SLC13A2: variants seen among roughly 807,000 people sequenced by gnomAD.
SLC13A2 encodes the protein Na(+)-coupled citrate transporter.
In SLC13A2, 40 loss-of-function variants were observed where a neutral mutation model predicts 58.5. That is an observed-to-expected ratio of 0.68 (90% CI 0.53 to 0.89). The LOEUF (loss-of-function observed/expected upper bound fraction) is 0.89. SLC13A2 is among the 40% of genes least tolerant of loss of function. The pLI, the probability that SLC13A2 is intolerant of heterozygous loss-of-function variation, is 0.00. For missense variants in SLC13A2, 694 were observed against 772.6 expected (o/e 0.90, Z 1.21); for synonymous variants, 341 against 331.6 (o/e 1.03, Z -0.31).
intron 1 of SLC13A2, 140 bp downstream of exon 1, chr17:28,473,954 C>T: frequency 2.9e-6 from 2 of 689,898 alleles, no homozygotes; most frequent in South Asian, 1.9e-5. Context: ...CCCCCTGCTC[C>T]TCCTGAGGAC....
rs1424578395 is a variant in SLC13A2, at chr17:28,496,809, G to A, written c.1608+222G>A. 1.3e-5 allele frequency among the ~76,000 whole-genome samples: 2 copies of A among 152,188 alleles called. No individual in the cohort carries two copies. The highest frequency in any genetic ancestry group is 2.9e-5 in the Non-Finnish European group (2 of 68,036). On this transcript the variant is annotated intron_variant, in intron 11 of 11. Coordinates refer to ENST00000314669, the MANE Select transcript of SLC13A2 (RefSeq NM_003984.4). This position sits in a 1 kb window ranked among gnomAD's most constrained non-coding sequence, Gnocchi z 4.2. ...ATGTGAGAGGGAGGGAAGTGGGTGG[G>A]GAACATGGGGAAGGCTCCAAGGTGC...
intron 1 of SLC13A2, among the ~76,000 whole-genome samples, chr17:28,485,368 T>C (rs1026203181): frequency 3.3e-5 from 5 of 152,172 alleles, no homozygotes; most frequent in Non-Finnish European, 7.4e-5. Context: ...GGCTGTCAGT[T>C]GAACTTGGCT....
intron 9 of SLC13A2, 132 bp from the exon 10 acceptor site, chr17:28,495,523 C>T (rs1379372895): frequency 1.2e-6 from 1 of 842,082 alleles, no homozygotes; most frequent in Non-Finnish European, 1.8e-6. Flanking sequence ...GTCCTATCAT[C>T]CCTTTAGAGC....
Position 28,497,406 on chromosome 17 carries a change from G to A in SLC13A2, c.*137G>A, listed in dbSNP as rs553725661. 3.7e-5 allele frequency: 34 copies of A among 922,240 alleles called. No individual in the cohort carries two copies. The highest frequency in any genetic ancestry group is 1.9e-4 in the Admixed American group (7 of 37,094). The allele number at this position is 922,240 out of a possible 1,614,324, so 57.1% of individuals were successfully genotyped here. Reference sequence around the variant, plus strand: ...GGCACGTGTGTACATAATCTCTTGCGTGTCTGTAAGGAAGGGGTGTATGCT... The same window carrying A: ...GGCACGTGTGTACATAATCTCTTGCATGTCTGTAAGGAAGGGGTGTATGCT... On this transcript the variant is annotated 3_prime_UTR_variant, in exon 12 of 12. Transcript: ENST00000314669.
At chr17:28,489,966 G>A (rs1281382464) in intron 2 of SLC13A2, among the ~76,000 whole-genome samples, 1 of 152,196 alleles carries the variant, frequency 6.6e-6, no homozygotes, top group East Asian at 1.9e-4. Context: ...GGGGAACCTG[G>A]TTGATATTAA....
chr17:28,491,699 T>A (rs1555603497), intron 5 of SLC13A2, 31 bp from the exon 6 acceptor site: 2 of 1,612,080 alleles, frequency 1.2e-6, no homozygotes, highest in South Asian at 2.2e-5. Flanking sequence ...CTCGGGGCAA[T>A]GTCACACGGC....
chr17:28,490,806 G>A lies in SLC13A2; in HGVS notation c.474G>A (p.Gln158=), dbSNP rs141526353. ...MVPIAHAVLD[Q]LHSSQASSNV... The stretch of plus-strand genomic sequence containing the variant: ...CCATCGCACATGCCGTCCTGGACCA[G>A]CTGCACAGCTCGCAAGCCAGCAGCA... The change falls in exon 4 of 12, where the codon CAG becomes CAA. Residue 158 remains glutamine (Q), a synonymous_variant. Transcript: ENST00000314669. 1 of 1,613,990 alleles carries A rather than the reference G, an allele frequency of 6.2e-7. No homozygotes were observed. Among genetic ancestry groups the A allele is most frequent in the African/African-American group, 1.3e-5 (1 of 75,030 alleles).
chr17:28,473,944 C>T (rs571881347), intron 1 of SLC13A2, 130 bp downstream of exon 1: 176 of 733,400 alleles, frequency 2.4e-4, no homozygotes, highest in Non-Finnish European at 3.8e-4. Flanking sequence ...GAGGCTATCG[C>T]CCCCTGCTCC....
In SLC13A2 at chr17:28,491,800, A is replaced by G. The variant is rs112638123; in HGVS notation, c.826A>G (p.Ile276Val). The change falls in exon 6 of 12, where the codon ATC (isoleucine) becomes GTC (valine). Residue 276 changes from isoleucine (I) to valine (V), a missense_variant. Transcript: ENST00000314669. ...CAGCTTCGCCTTCCCCACCATGGTC[A>G]TCTTGCTGCTGCTGGCCTGGTTGTG... ...WFSFAFPTMV[I>V]LLLLAWLWLQ... 1.9e-5 allele frequency: 30 copies of G among 1,614,148 alleles called. No individual in the cohort carries two copies. The African/African-American group carries it at 2.1e-4, about 11-fold the overall frequency.
intron 7 of SLC13A2, 56 bp from the exon 8 acceptor site, chr17:28,493,961 C>A: frequency 1.3e-6 from 2 of 1,551,892 alleles, no homozygotes; most frequent in Non-Finnish European, 1.8e-6. Context: ...CACCCTGTGG[C>A]CCTGAGCAAC....
At position 28,490,355 on chromosome 17, in the gene SLC13A2, C is replaced by T. The variant is rs569846341; in HGVS notation, c.232-99C>T. On this transcript the variant is annotated intron_variant, in intron 2 of 11. Transcript: ENST00000314669. ...CAGTTTCGAGAGCCCAGGGGAATGC[C>T]AGTCTGTGGGAATGTCAGTGACTGC... 4.3e-6 allele frequency: 7 copies of T among 1,613,410 alleles called. No homozygotes were observed. The African/African-American group carries it at 9.3e-5, about 22-fold the overall frequency.
At chr17:28,491,394 T>C (rs1555603351) in intron 4 of SLC13A2, 43 bp from the exon 5 acceptor site, 1 of 1,605,306 alleles carries the variant, frequency 6.2e-7, no homozygotes, top group Non-Finnish European at 8.5e-7. Context: ...TCCCCAGAGC[T>C]GGCCCTGTAC....
chr17:28,495,385 T>C (rs2151464349), intron 9 of SLC13A2, among the ~76,000 whole-genome samples: 1 of 152,266 alleles, frequency 6.6e-6, no homozygotes, highest in East Asian at 1.9e-4. Flanking sequence ...TCAAAGATTT[T>C]TGCTCCCACC....
Position 28,495,745 on chromosome 17 carries a change from G to A in SLC13A2, c.1399G>A (p.Val467Met), listed in dbSNP as rs782137601. ...PAIAIILSLL[V>M]ATFTECTSNV... ...CATTGCCATCATCCTCTCCCTCCTG[G>A]TGGCCACCTTCACCGAGTGCACTAG... The change falls in exon 10 of 12, where the codon GTG becomes ATG. Residue 467 changes from valine (V) to methionine (M), a missense_variant. Physicochemically the swap from Val to Met is conservative, Grantham distance 21. Transcript: ENST00000314669. The A allele has an allele frequency of 6.2e-7, 1 of 1,613,322 alleles. No homozygotes were observed. The highest frequency in any genetic ancestry group is 1.7e-5 in the Admixed American group (1 of 60,010).
intron 1 of SLC13A2, among the ~76,000 whole-genome samples, chr17:28,479,384 T>C (rs1555600653): frequency 6.6e-6 from 1 of 152,102 alleles, no homozygotes; most frequent in Non-Finnish European, 1.5e-5. Context: ...GAGGCCTCAC[T>C]AGATTGCTTA....
Position 28,495,731 on chromosome 17 carries a change from T to C in SLC13A2, c.1385T>C (p.Ile462Thr). The change falls in exon 10 of 12, where the codon ATC (isoleucine) becomes ACC (threonine). Residue 462 changes from isoleucine (I) to threonine (T), a missense_variant. By Grantham distance (89) the Ile-to-Thr change is moderately conservative. Transcript: ENST00000314669. The part of the protein sequence containing the change: ...QSVPAPAIAI[I>T]LSLLVATFTE... ...GTGCCAGCTCCAGCCATTGCCATCATCCTCTCCCTCCTGGTGGCCACCTTC... is the reference window on the plus strand; with the variant it reads ...GTGCCAGCTCCAGCCATTGCCATCACCCTCTCCCTCCTGGTGGCCACCTTC... 2 of 1,613,176 alleles carry C rather than the reference T, an allele frequency of 1.2e-6. No individual in the cohort carries two copies. Among genetic ancestry groups the C allele is most frequent in the Non-Finnish European group, 1.7e-6 (2 of 1,179,936 alleles).
intron 1 of SLC13A2, among the ~76,000 whole-genome samples, chr17:28,475,548 C>A (rs557442974): frequency 6.6e-6 from 1 of 152,366 alleles, no homozygotes; most frequent in African/African-American, 2.4e-5. Flanking sequence ...GTGCCTCTTT[C>A]TCTGCTCTCT....
intron 1 of SLC13A2, among the ~76,000 whole-genome samples, chr17:28,486,545 G>T (rs797042732): frequency 3.3e-5 from 5 of 152,274 alleles, no homozygotes; most frequent in African/African-American, 9.6e-5. Context: ...AAGGCTTCTG[G>T]ATGGAACTTC....
chr17:28,494,270 C>A lies in SLC13A2; in HGVS notation c.1187-121C>A, dbSNP rs1597892542. The A allele has an allele frequency of 6.4e-7, 1 of 1,563,616 alleles. No individual in the cohort carries two copies. On this transcript the variant is annotated intron_variant, in intron 8 of 11. Transcript: ENST00000314669. The surrounding 1 kb of genome is among the most constrained non-coding windows in gnomAD (Gnocchi z 4.0). Reference sequence around the variant, plus strand: ...GAGACAAAGTTGAGATGTTGCAGAACTGAGGGTCCCCTCCTGCACGCGTTA... The same window carrying A: ...GAGACAAAGTTGAGATGTTGCAGAAATGAGGGTCCCCTCCTGCACGCGTTA...
Sources: allele counts gnomAD v4.1 joint callset (sites outside exome capture counted in the v4.1 genomes callset), GRCh38; gene constraint gnomAD v4.1.1; non-coding constraint Gnocchi (gnomAD v3.1); transcripts MANE v1.5; gene names NCBI Gene and HGNC (gene_info 2026-07-23, HGNC 2026-07-21).